Variants in SH3RF3 observed in about 807,000 individuals in gnomAD.
The protein encoded by SH3RF3 is E3 ubiquitin-protein ligase SH3RF3.
In SH3RF3, 29 loss-of-function variants were observed where a neutral mutation model predicts 66.3. The observed-to-expected ratio is 0.44, with a 90% CI of 0.33 to 0.60. The LOEUF (loss-of-function observed/expected upper bound fraction) is 0.60, where lower values mean the gene tolerates loss of function less well. SH3RF3 is among the 20% of genes least tolerant of loss of function. SH3RF3 has a pLI of 0.04. For synonymous variants in SH3RF3, 583 were observed against 532.0 expected (o/e 1.10, Z -1.32); for missense variants, 1,194 against 1,190.9 (o/e 1.00, Z -0.04).
chr2:109,318,149 A>G (rs934832511), intron 1 of SH3RF3, among the ~76,000 whole-genome samples: 1 of 151,712 alleles, frequency 6.6e-6, no homozygotes, highest in Non-Finnish European at 1.5e-5. Flanking sequence ...AGGGACATTG[A>G]GAGACTAGAA....
chr2:109,152,423 G>T (rs148773108), intron 1 of SH3RF3, among the ~76,000 whole-genome samples: 3 of 152,170 alleles, frequency 2.0e-5, no homozygotes, highest in African/African-American at 7.2e-5. Context: ...TCTGGGCTCC[G>T]ATCTCAAGTT....
At chr2:109,251,195 G>T (rs1284929412) in intron 1 of SH3RF3, among the ~76,000 whole-genome samples, 3 of 151,952 alleles carry the variant, frequency 2.0e-5, no homozygotes, top group African/African-American at 4.8e-5. Flanking sequence ...TAGAGATGGG[G>T]TTTCACCATG....
At chr2:109,280,626 A>G (rs1680859605) in intron 1 of SH3RF3, among the ~76,000 whole-genome samples, 3 of 152,238 alleles carry the variant, frequency 2.0e-5, no homozygotes, top group Non-Finnish European at 4.4e-5. Flanking sequence ...ATCTACACTA[A>G]TAGATCTGCT....
chr2:109,392,320 G>A (rs1171011456), intron 3 of SH3RF3, among the ~76,000 whole-genome samples: 1 of 152,196 alleles, frequency 6.6e-6, no homozygotes, highest in Non-Finnish European at 1.5e-5. Flanking sequence ...AAAGGGGTGA[G>A]CAGTAGCAAT....
At chr2:109,194,323 T>G (rs1003549813) in intron 1 of SH3RF3, among the ~76,000 whole-genome samples, 1 of 152,250 alleles carries the variant, frequency 6.6e-6, no homozygotes, top group African/African-American at 2.4e-5. Flanking sequence ...AAGCTTGGGC[T>G]GCGGTGTCCC....
At chr2:109,379,061 AGT>A (rs1683453267) in intron 3 of SH3RF3, among the ~76,000 whole-genome samples, 1 of 152,212 alleles carries the variant, frequency 6.6e-6, no homozygotes, top group African/African-American at 2.4e-5. Context: ...ACCCAGAGAC[AGT>A]AACAGAGCCC....
chr2:109,165,863 C>T (rs1006447657), intron 1 of SH3RF3, among the ~76,000 whole-genome samples: 26 of 152,240 alleles, frequency 1.7e-4, no homozygotes, highest in Non-Finnish European at 3.5e-4. Context: ...CAGTGCTCTA[C>T]GTGTGCCCAG....
intron 4 of SH3RF3, among the ~76,000 whole-genome samples, chr2:109,417,714 A>C (rs911531756): frequency 6.6e-6 from 1 of 152,212 alleles, no homozygotes; most frequent in Admixed American, 6.5e-5. Flanking sequence ...TCATTCTGCC[A>C]GGCGCACTGG....
chr2:109,218,934 G>A (rs901588061), intron 1 of SH3RF3, among the ~76,000 whole-genome samples: 2 of 152,222 alleles, frequency 1.3e-5, no homozygotes, highest in Non-Finnish European at 2.9e-5. Flanking sequence ...TCCCTGCACG[G>A]ACCAGGCTTG....
intron 1 of SH3RF3, among the ~76,000 whole-genome samples, chr2:109,199,128 G>A (rs2105054630): frequency 6.6e-6 from 1 of 152,042 alleles, no homozygotes; most frequent in South Asian, 2.1e-4. Flanking sequence ...GGGAGGCTGA[G>A]GCGGGTGGAT....
rs573491366 is a variant in SH3RF3 at position 109,441,980 on chromosome 2, T to C, written c.1828+4834T>C. Among the ~76,000 whole-genome samples the C allele has an allele frequency of 2.2e-4, 33 of 149,990 alleles. No homozygotes were observed. In the South Asian group the frequency reaches 6.5e-3, roughly 30 times the overall value. Reference sequence around the variant, plus strand: ...AAAAAAAAGCAAAATAAAGAATTATTCAGAAATAGTAAAACTAAAAGATTT... The same window carrying C: ...AAAAAAAAGCAAAATAAAGAATTATCCAGAAATAGTAAAACTAAAAGATTT... On this transcript the variant is annotated intron_variant, in intron 7 of 9. Coordinates refer to ENST00000309415, the MANE Select transcript of SH3RF3 (RefSeq NM_001099289.3).
chr2:109,280,940 A>G (rs1052789406), intron 1 of SH3RF3, among the ~76,000 whole-genome samples: 3 of 152,218 alleles, frequency 2.0e-5, no homozygotes, highest in African/African-American at 7.2e-5. Context: ...GGTACTAGGA[A>G]CTTGCATCAG....
chr2:109,447,156 AAAAAAAAAAAAAG>A (rs1477018785), intron 7 of SH3RF3, among the ~76,000 whole-genome samples: 1 of 149,802 alleles, frequency 6.7e-6, no homozygotes, highest in Non-Finnish European at 1.5e-5. Flanking sequence ...TTAAAAAAAA[AAAAAAAAAAAAAG>A]AAAAGAAAAA....
chr2:109,158,025 C>T (rs543346582), intron 1 of SH3RF3, among the ~76,000 whole-genome samples: 13 of 152,264 alleles, frequency 8.5e-5, no homozygotes, highest in Admixed American at 2.0e-4. Context: ...TTCTGGGCTG[C>T]GTGCTTCAAT....
At chr2:109,485,025 G>T (rs74376310) in intron 8 of SH3RF3, among the ~76,000 whole-genome samples, 1 of 152,220 alleles carries the variant, frequency 6.6e-6, no homozygotes, top group Non-Finnish European at 1.5e-5. Context: ...AAAATAGTAC[G>T]TAACCCATCA....
At chr2:109,494,413 C>T (rs1413022308) in intron 9 of SH3RF3, among the ~76,000 whole-genome samples, 1 of 152,178 alleles carries the variant, frequency 6.6e-6, no homozygotes, top group East Asian at 1.9e-4. Flanking sequence ...AACATGGTAG[C>T]CACAGGCTGC....
At chr2:109,425,981 T>G (rs1677018869) in intron 5 of SH3RF3, among the ~76,000 whole-genome samples, 1 of 152,228 alleles carries the variant, frequency 6.6e-6, no homozygotes, top group Non-Finnish European at 1.5e-5. Context: ...CACTGCAACC[T>G]CCGCCTCCTG....
rs1252148614 is a variant in SH3RF3, at chr2:109,402,697, G to A, written c.1299+3754G>A. On this transcript the variant is annotated intron_variant, in intron 4 of 9. Coordinates refer to ENST00000309415, the MANE Select transcript of SH3RF3 (RefSeq NM_001099289.3). ...TGAATTCTTGGCACCTGGAGACTGG[G>A]GCTGTAGGGGAAGACAGGATGGTGA... 2.0e-5 allele frequency among the ~76,000 whole-genome samples: 3 copies of A among 152,214 alleles called. No individual in the cohort carries two copies. In the East Asian group the frequency reaches 5.8e-4, roughly 29 times the overall value.
chr2:109,287,547 C>G (rs1681056319), intron 1 of SH3RF3, among the ~76,000 whole-genome samples: 1 of 152,230 alleles, frequency 6.6e-6, no homozygotes, highest in African/African-American at 2.4e-5. Flanking sequence ...CAGAGCCACC[C>G]TCCCCCTTGA....
Sources: gnomAD v4.1 joint callset for allele counts (sites outside exome capture counted in the v4.1 genomes callset) on GRCh38, gnomAD v4.1.1 for gene constraint, MANE v1.5 for transcripts, NCBI Gene and HGNC (gene_info 2026-07-23, HGNC 2026-07-21) for gene names.